The following TMEM67 variants were observed in gnomAD, a reference collection of about 807,000 sequenced individuals.
TMEM67 encodes the protein meckelin.
A neutral mutation model predicts 136.6 loss-of-function variants in TMEM67; 124 were observed. That is an observed-to-expected ratio of 0.91 (90% confidence interval 0.78 to 1.05). The LOEUF is 1.05. Among genes scored for constraint, TMEM67 ranks in the 50% least tolerant of loss-of-function variants. The pLI is 0.00. For synonymous variants in TMEM67, 364 were observed against 390.5 expected (o/e 0.93, Z 0.80); for missense variants, 1,107 against 1,178.4 (o/e 0.94, Z 0.89).
rs201791586 is a variant in TMEM67, at chr8:93,804,878, G to A, written c.2439G>A (p.Ala813=). The part of the protein sequence containing the change: ...EEMNMNLKRE[A]ENLCSQRGLV... ...TGAATATGAACCTTAAAAGAGAAGC[G>A]GTATGAAAATGTTTTACATCTTTTT... The change falls in exon 23 of 28, where the codon GCG becomes GCA. Residue 813 remains alanine (A), a splice_region_variant and synonymous_variant. Transcript: ENST00000453321. The A allele has an allele frequency of 9.3e-6, 14 of 1,511,738 alleles. No individual in the cohort carries two copies. The highest frequency in any genetic ancestry group is 2.7e-5 in the African/African-American group (2 of 72,966). The allele number at this position is 1,511,738 out of a possible 1,614,324, so 93.6% of individuals were successfully genotyped here. A position where few individuals can be genotyped will look rare whatever the true frequency, so the allele number is the denominator to read the frequency against.
At chr8:93,784,013 A>G (rs1439461420) in intron 11 of TMEM67, among the ~76,000 whole-genome samples, 1 of 152,232 alleles carries the variant, frequency 6.6e-6, no homozygotes, top group African/African-American at 2.4e-5. Flanking sequence ...ATAAAGTTCC[A>G]CGCACAACCA....
At chr8:93,777,811 G>T (rs934531886) in intron 7 of TMEM67, among the ~76,000 whole-genome samples, 1 of 152,220 alleles carries the variant, frequency 6.6e-6, no homozygotes, top group East Asian at 1.9e-4. Context: ...AGGTGGTGCT[G>T]AGAAGAATGT....
chr8:93,780,309 A>G (rs1222592184), intron 7 of TMEM67, among the ~76,000 whole-genome samples: 1 of 152,012 alleles, frequency 6.6e-6, no homozygotes, highest in Non-Finnish European at 1.5e-5. Flanking sequence ...GAAATCCCCC[A>G]ACCCCTTGCG....
chr8:93,821,177 A>G (rs189913662), downstream of TMEM67, among the ~76,000 whole-genome samples: 1 of 152,372 alleles, frequency 6.6e-6, no homozygotes, highest in East Asian at 1.9e-4. Flanking sequence ...CACTTACACA[A>G]AAATCAATTT....
At chr8:93,812,547 A>G (rs757596016) in intron 26 of TMEM67, among the ~76,000 whole-genome samples, 17 of 152,144 alleles carry the variant, frequency 1.1e-4, no homozygotes, top group Non-Finnish European at 2.1e-4. Context: ...TGGATTCAAA[A>G]CCTGACTCTA....
chr8:93,803,879 A>AT (rs377147074), intron 22 of TMEM67, among the ~76,000 whole-genome samples, 195 bp downstream of exon 22: 200 of 139,014 alleles, frequency 1.4e-3, no homozygotes, highest in Middle Eastern at 3.6e-3. Context: ...TCATTTTTTC[A>AT]TTTTTTTTTT....
At chr8:93,785,197 T>C (rs771600994) in intron 11 of TMEM67, 25 bp from the exon 12 acceptor site, 1 of 1,427,506 alleles carries the variant, frequency 7.0e-7, no homozygotes, top group Non-Finnish European at 9.8e-7. Context: ...TTTTATGTGC[T>C]TTTATTTTTA....
chr8:93,794,104 C>T (rs1453905888), intron 16 of TMEM67, among the ~76,000 whole-genome samples: 1 of 152,048 alleles, frequency 6.6e-6, no homozygotes, highest in Admixed American at 6.6e-5. Flanking sequence ...GTTGTTCAGG[C>T]TGGTCTTGAA....
chr8:93,759,877 G>A (rs756201915), intron 3 of TMEM67: 19 of 988,448 alleles, frequency 1.9e-5, no homozygotes, highest in East Asian at 5.5e-5. Flanking sequence ...TTGAACTTCC[G>A]ACCTCAGGTG....
At chr8:93,791,497 C>G (rs192586239) in intron 15 of TMEM67, among the ~76,000 whole-genome samples, 178 bp downstream of exon 15, 60 of 152,246 alleles carry the variant, frequency 3.9e-4, no homozygotes, top group African/African-American at 1.3e-3. Flanking sequence ...TTGATGTAGT[C>G]CTATTAACTA....
chr8:93,767,468 A>T (rs1813127535), intron 6 of TMEM67, among the ~76,000 whole-genome samples: 1 of 152,200 alleles, frequency 6.6e-6, no homozygotes, highest in Non-Finnish European at 1.5e-5. Flanking sequence ...CACTACTGTG[A>T]TGGTTGCCAA....
chr8:93,810,153 G>A (rs936381764), intron 26 of TMEM67, among the ~76,000 whole-genome samples: 1 of 150,268 alleles, frequency 6.7e-6, no homozygotes, highest in Non-Finnish European at 1.5e-5. Context: ...TGTATTTTTA[G>A]TAGAGACGGG....
At chr8:93,766,317 A>G (rs1421603510) in intron 6 of TMEM67, among the ~76,000 whole-genome samples, 1 of 151,892 alleles carries the variant, frequency 6.6e-6, no homozygotes, top group Admixed American at 6.6e-5. Flanking sequence ...ATGGGATTTC[A>G]CTGTGTTGGC....
chr8:93,773,502 C>T (rs1323312837), intron 7 of TMEM67, among the ~76,000 whole-genome samples: 1 of 152,072 alleles, frequency 6.6e-6, no homozygotes, highest in Non-Finnish European at 1.5e-5. Context: ...AGATAGTGGA[C>T]CATTGCACAA....
At chr8:93,805,769 C>T (rs763808519) in intron 23 of TMEM67, among the ~76,000 whole-genome samples, 10 of 152,066 alleles carry the variant, frequency 6.6e-5, no homozygotes, top group Non-Finnish European at 1.5e-4. Context: ...GAAAAATTAC[C>T]ATTTTGCAAT....
At chr8:93,783,108 C>T (rs1297250006) in intron 11 of TMEM67, among the ~76,000 whole-genome samples, 3 of 152,084 alleles carry the variant, frequency 2.0e-5, no homozygotes, top group East Asian at 3.9e-4. Flanking sequence ...GCCTCAACCA[C>T]CTGAGTAGCT....
At chr8:93,787,776 G>A in intron 13 of TMEM67, 68 bp from the exon 14 acceptor site, 2 of 1,190,542 alleles carry the variant, frequency 1.7e-6, no homozygotes, top group Non-Finnish European at 1.3e-6. Flanking sequence ...CAAAAGAAAT[G>A]GTAAGTTAAA....
At position 93,793,287 on chromosome 8, in the gene TMEM67, T is replaced by G; in HGVS notation, c.1665T>G (p.Ile555Met). ...GWKRRIGSPM[I>M]DLQTVVKFLV... is the part of the protein sequence containing the mutation. ...AGAGGCGCATTGGGAGTCCCATGATTGATTTACAGGTATAATCTCAGGAGT... is the reference window on the plus strand; with the variant it reads ...AGAGGCGCATTGGGAGTCCCATGATGGATTTACAGGTATAATCTCAGGAGT... The change falls in exon 16 of 28, where the codon ATT becomes ATG. Residue 555 changes from isoleucine (I) to methionine (M), a missense_variant. By Grantham distance (10) the Ile-to-Met change is conservative. This residue lies in a region of TMEM67 where 925 missense variants were observed against 1,002.4 expected (regional missense o/e 0.92). Coordinates refer to ENST00000453321, the MANE Select transcript of TMEM67 (RefSeq NM_153704.6). 1 of 1,612,754 alleles carries G rather than the reference T, an allele frequency of 6.2e-7. No individual in the cohort carries two copies. Among genetic ancestry groups the G allele is most frequent in the Non-Finnish European group, 8.5e-7 (1 of 1,178,696 alleles).
chr8:93,786,675 T>G (rs575884331), intron 13 of TMEM67, among the ~76,000 whole-genome samples: 5 of 152,330 alleles, frequency 3.3e-5, no homozygotes, highest in African/African-American at 1.2e-4. Flanking sequence ...TGTTAATGTT[T>G]AGGACTCCCC....
Sources: gnomAD v4.1 joint callset for allele counts (sites outside exome capture counted in the v4.1 genomes callset) on GRCh38, gnomAD v4.1.1 for gene constraint, gnomAD v4.1.1 regional missense constraint, MANE v1.5 for transcripts, NCBI Gene and HGNC (gene_info 2026-07-23, HGNC 2026-07-21) for gene names.